PCDHGB3: variants seen among roughly 807,000 people sequenced by gnomAD.
PCDHGB3 encodes the protein protocadherin gamma-B3.
A neutral mutation model predicts 59.2 loss-of-function variants in PCDHGB3; 40 were observed. That is an observed-to-expected ratio of 0.68 (90% CI 0.52 to 0.88). The LOEUF (loss-of-function observed/expected upper bound fraction) is 0.88. PCDHGB3 is among the 40% of genes least tolerant of loss of function. PCDHGB3 has a pLI of 0.00. For synonymous variants in PCDHGB3, 581 were observed against 503.6 expected (o/e 1.15, Z -2.06); for missense variants, 1,309 against 1,187.9 (o/e 1.10, Z -1.50).
rs1359362991 is a variant in PCDHGB3, at chr5:141,372,772, A to C, written c.2378A>C (p.Asn793Thr). 2 of 1,611,080 alleles carry C rather than the reference A, an allele frequency of 1.2e-6. No individual in the cohort carries two copies. Among genetic ancestry groups the C allele is most frequent in the Non-Finnish European group, 1.7e-6 (2 of 1,178,350 alleles). Reference sequence around the variant, plus strand: ...GCCTCTTGGTTTGAAAGTAATGACAATCCAGAAATGCCTTCTAATTCAGGC... The same window carrying C: ...GCCTCTTGGTTTGAAAGTAATGACACTCCAGAAATGCCTTCTAATTCAGGC... ...DEASWFESNDNPEMPSNSGNL... is the reference protein window; with the variant it reads ...DEASWFESNDTPEMPSNSGNL... The change falls in exon 1 of 4, where the codon AAT becomes ACT. Residue 793 changes from asparagine to threonine, a missense_variant. Coordinates refer to ENST00000576222, the MANE Select transcript of PCDHGB3 (RefSeq NM_018924.5).
rs141363854 is a variant in PCDHGB3, at chr5:141,371,204, T to C, written c.810T>C (p.Asp270=). 1.5e-4 allele frequency: 240 copies of C among 1,614,012 alleles called. 1 individual carries two copies. The African/African-American group carries it at 3.0e-3, about 20-fold the overall frequency. ...SVLKVMAIDM[D]EGINAEIIYA... ...TAAAAGTGATGGCCATTGACATGGA[T>C]GAGGGCATCAATGCCGAAATCATCT... The change falls in exon 1 of 4, where the codon GAT becomes GAC. Residue 270 remains aspartate (D), a synonymous_variant. Coordinates refer to ENST00000576222, the MANE Select transcript of PCDHGB3 (RefSeq NM_018924.5).
chr5:141,413,170 A>G, intron 1 of PCDHGB3: 1 of 1,595,602 alleles, frequency 6.3e-7, no homozygotes, highest in Non-Finnish European at 8.5e-7. Flanking sequence ...CTGTAACCAG[A>G]CTACAATGGC....
rs777710801 is a variant in PCDHGB3, at chr5:141,400,340, A to G, written c.2415+27531A>G. On this transcript the variant is annotated intron_variant, in intron 1 of 3. Transcript: ENST00000576222. ...AAGTCTGGACCTGTGGTTCCCCCCA[A>G]CTACAGTCAGGGGACTTTGCCTTAT... The G allele has an allele frequency of 5.0e-6, 8 of 1,613,856 alleles. No homozygotes were observed. The highest frequency in any genetic ancestry group is 1.3e-5 in the African/African-American group (1 of 74,922).
intron 1 of PCDHGB3, among the ~76,000 whole-genome samples, chr5:141,468,165 A>T (rs1249592462): frequency 1.3e-5 from 2 of 151,940 alleles, no homozygotes; most frequent in Non-Finnish European, 2.9e-5. Flanking sequence ...TCTCTGCTAA[A>T]AATAGAAAAA....
At chr5:141,481,982 G>A (rs1378873905) in intron 1 of PCDHGB3, among the ~76,000 whole-genome samples, 2 of 151,628 alleles carry the variant, frequency 1.3e-5, no homozygotes, top group African/African-American at 2.4e-5. Context: ...CTACTTGGGA[G>A]GTTGAAGCAG....
chr5:141,388,510 A>T, intron 1 of PCDHGB3: 5 of 1,613,846 alleles, frequency 3.1e-6, no homozygotes, highest in Non-Finnish European at 4.2e-6. Context: ...AAATCCTACC[A>T]CTTGACTTTG....
At chr5:141,503,479 G>A (rs1203644194) in intron 2 of PCDHGB3, among the ~76,000 whole-genome samples, 5 of 151,616 alleles carry the variant, frequency 3.3e-5, no homozygotes, top group African/African-American at 9.7e-5. Context: ...TGCACTTGTC[G>A]TCCCAGCTGC....
At chr5:141,377,473 G>A (rs1467921393) in intron 1 of PCDHGB3, 2 of 152,044 alleles carry the variant, frequency 1.3e-5, no homozygotes, top group Admixed American at 1.3e-4. Flanking sequence ...GCGTACACCT[G>A]TAGTCCCAGC....
Position 141,494,842 on chromosome 5 carries a change from G to A in PCDHGB3, c.2451G>A (p.Gln817=). 1 of 1,614,116 alleles carries A rather than the reference G, an allele frequency of 6.2e-7. No homozygotes were observed. Among genetic ancestry groups the A allele is most frequent in the Non-Finnish European group, 8.5e-7 (1 of 1,180,018 alleles). The change falls in exon 2 of 4, where the codon CAG becomes CAA. Residue 817 remains glutamine, a synonymous_variant. Coordinates refer to ENST00000576222, the MANE Select transcript of PCDHGB3 (RefSeq NM_018924.5). ...APPNTDWRFS[Q]AQRPGTSGSQ... is the part of the protein sequence containing the mutation. ...CCAACACGGACTGGCGTTTCTCTCA[G>A]GCCCAGAGACCCGGCACCAGCGGGT... is the stretch of plus-strand genomic sequence containing the variant.
intron 1 of PCDHGB3, chr5:141,375,208 C>T: frequency 1.2e-6 from 2 of 1,613,958 alleles, no homozygotes; most frequent in Non-Finnish European, 8.5e-7. Flanking sequence ...TCGATCGAGA[C>T]TCTGGCCTGA....
intron 1 of PCDHGB3, chr5:141,428,113 T>G: frequency 3.7e-6 from 6 of 1,607,492 alleles, no homozygotes; most frequent in Non-Finnish European, 5.1e-6. Context: ...CTGCAGGCCA[T>G]CGAGCCCGGG....
chr5:141,448,896 G>C (rs560617459), intron 1 of PCDHGB3, among the ~76,000 whole-genome samples: 5 of 152,302 alleles, frequency 3.3e-5, no homozygotes, highest in African/African-American at 1.2e-4. Context: ...AGTGAGCCGA[G>C]ATCGTGCCAC....
intron 1 of PCDHGB3, chr5:141,427,739 C>G: frequency 2.4e-6 from 3 of 1,232,634 alleles, no homozygotes; most frequent in Non-Finnish European, 3.5e-6. Context: ...ATGGCCAAGT[C>G]TCCTACTCCA....
Position 141,371,995 on chromosome 5 carries a change from C to G in PCDHGB3, c.1601C>G (p.Ala534Gly). 1.2e-6 allele frequency: 2 copies of G among 1,613,264 alleles called. No individual in the cohort carries two copies. The highest frequency in any genetic ancestry group is 1.7e-6 in the Non-Finnish European group (2 of 1,179,762). ...QLRAFELTLQ[A>G]RDQGSPTLSA... The stretch of plus-strand genomic sequence containing the variant: ...CGTGCCTTCGAGCTCACTCTGCAGG[C>G]CCGCGACCAGGGCTCGCCTACGCTC... Residue 534 changes from alanine to glycine, a missense_variant, in exon 1 of 4, where the codon GCC (alanine) becomes GGC (glycine). Coordinates refer to ENST00000576222, the MANE Select transcript of PCDHGB3 (RefSeq NM_018924.5).
intron 1 of PCDHGB3, chr5:141,392,578 A>G: frequency 2.2e-6 from 1 of 461,792 alleles, no homozygotes; most frequent in Non-Finnish European, 3.8e-6. Context: ...TTAGGACTGT[A>G]AGCGCCGCTG....
chr5:141,482,530 CAAAAA>C (rs3074545), intron 1 of PCDHGB3, among the ~76,000 whole-genome samples: 1 of 76,558 alleles, frequency 1.3e-5, no homozygotes, highest in African/African-American at 4.8e-5. Context: ...GACAGACATG[CAAAAA>C]AAAAAAAAAA....
In PCDHGB3 at chr5:141,485,049, G is replaced by C. The variant is rs1271101804; in HGVS notation, c.2416-9758G>C. On this transcript the variant is annotated intron_variant, in intron 1 of 3. Coordinates refer to ENST00000576222, the MANE Select transcript of PCDHGB3 (RefSeq NM_018924.5). The surrounding 1 kb of genome is among the most constrained non-coding windows in gnomAD (Gnocchi z 5.7). ...AACGGCGCGTAACCCTTGCGGCGCC[G>C]GCCGAACCGCGCCAGAGCTGGCGCG... 1 of 780,438 alleles carries C rather than the reference G, an allele frequency of 1.3e-6. No homozygotes were observed. The highest frequency in any genetic ancestry group is 2.1e-6 in the Non-Finnish European group (1 of 469,234). The allele number at this position is 780,438 out of a possible 1,614,324, so 48.3% of individuals were successfully genotyped here. A position where few individuals can be genotyped will look rare whatever the true frequency, so the allele number is the denominator to read the frequency against.
intron 1 of PCDHGB3, chr5:141,423,945 A>T (rs931771609): frequency 4.1e-6 from 5 of 1,207,688 alleles, no homozygotes; most frequent in Non-Finnish European, 4.1e-6. Context: ...AGTAAGTTGA[A>T]TTTTAGTATT....
intron 1 of PCDHGB3, among the ~76,000 whole-genome samples, chr5:141,443,297 A>G (rs1208893030): frequency 6.7e-6 from 1 of 148,196 alleles, no homozygotes; most frequent in East Asian, 2.0e-4. Context: ...CCTGGACAGC[A>G]TGGCAAAAAC....
Sources: gnomAD v4.1 joint callset for allele counts (sites outside exome capture counted in the v4.1 genomes callset) on GRCh38, gnomAD v4.1.1 for gene constraint, Gnocchi (gnomAD v3.1) non-coding constraint, MANE v1.5 for transcripts, NCBI Gene and HGNC (gene_info 2026-07-23, HGNC 2026-07-21) for gene names.